The following RCL1 variants were observed in gnomAD, a reference collection of about 807,000 sequenced individuals.
RCL1 encodes RNA terminal phosphate cyclase like 1.
In RCL1, 24 loss-of-function variants were observed where a neutral mutation model predicts 42.4. That is an observed-to-expected ratio of 0.57 (90% CI 0.41 to 0.80). The LOEUF (loss-of-function observed/expected upper bound fraction) is 0.80, where lower values mean the gene tolerates loss of function less well. Ranked by LOEUF, RCL1 falls within the 30% of genes least tolerant of loss-of-function variation. The pLI is 0.00. For missense variants in RCL1, 578 were observed against 467.9 expected, an observed-to-expected ratio of 1.24 and a Z score of -2.17; for synonymous variants, 228 against 177.3, an observed-to-expected ratio of 1.29 and a Z score of -2.27.
At chr9:4,834,066 C>A in intron 4 of RCL1, 75 bp from the exon 5 acceptor site, 2 of 1,525,354 alleles carry the variant, frequency 1.3e-6, no homozygotes, top group Non-Finnish European at 1.8e-6. Context: ...CTGGTGTAAA[C>A]CTTCCTGGGC....
chr9:4,850,500 T>TTC (rs1554642556), intron 8 of RCL1: 1 of 231,386 alleles, frequency 4.3e-6, no homozygotes, highest in Non-Finnish European at 9.7e-6. Context: ...TTTCTTTTTT[T>TTC]TTTTTTTTTT....
chr9:4,833,051 C>G, intron 3 of RCL1, 103 bp from the exon 4 acceptor site: 1 of 760,376 alleles, frequency 1.3e-6, no homozygotes, highest in South Asian at 1.4e-5. Context: ...CTGTTTACCA[C>G]ACTGCATCAT....
chr9:4,840,522 A>G (rs562712128), intron 5 of RCL1, among the ~76,000 whole-genome samples: 5 of 152,258 alleles, frequency 3.3e-5, no homozygotes, highest in African/African-American at 1.2e-4. Context: ...AGTTACTAAT[A>G]TCTTCCTCCT....
intron 8 of RCL1, among the ~76,000 whole-genome samples, chr9:4,849,783 G>A (rs917023977): frequency 1.3e-5 from 2 of 152,100 alleles, no homozygotes; most frequent in Non-Finnish European, 2.9e-5. Context: ...GATCTCTATT[G>A]GGCAGTTATT....
intron 5 of RCL1, among the ~76,000 whole-genome samples, chr9:4,836,940 G>C (rs539045457): frequency 6.6e-6 from 1 of 152,228 alleles, no homozygotes; most frequent in African/African-American, 2.4e-5. Context: ...TCTCTGCATG[G>C]CTGTCCCCCA....
chr9:4,841,301 G>T lies in RCL1; in HGVS notation c.654G>T (p.Lys218Asn). Residue 218 changes from lysine (K) to asparagine (N), a missense_variant, in exon 6 of 9, where the codon AAG (lysine) becomes AAT (asparagine). By Grantham distance (94) the Lys-to-Asn change is moderately conservative. Coordinates refer to ENST00000381750, the MANE Select transcript of RCL1 (RefSeq NM_005772.5). The part of the protein sequence containing the change: ...IVDSARSILN[K>N]FIPDIYIYTD... ...ATTCTGCAAGGAGCATCCTCAACAAGTTCATACCTGATATCTATATTTACA... is the reference window on the plus strand; with the variant it reads ...ATTCTGCAAGGAGCATCCTCAACAATTTCATACCTGATATCTATATTTACA... The T allele has an allele frequency of 6.2e-7, 1 of 1,613,062 alleles. No individual in the cohort carries two copies. The highest frequency in any genetic ancestry group is 1.7e-5 in the Admixed American group (1 of 60,020).
intron 8 of RCL1, among the ~76,000 whole-genome samples, chr9:4,850,987 C>A (rs1467337562): frequency 1.3e-5 from 2 of 152,078 alleles, no homozygotes; most frequent in African/African-American, 4.8e-5. Context: ...GCAGAACATT[C>A]TGTGAAAATG....
chr9:4,831,134 C>G (rs1201201967), intron 3 of RCL1, among the ~76,000 whole-genome samples: 2 of 152,146 alleles, frequency 1.3e-5, no homozygotes, highest in African/African-American at 4.8e-5. Flanking sequence ...GCTTTTCCTG[C>G]CCTTGTCCCA....
chr9:4,845,803 G>A (rs1032509904), intron 7 of RCL1, among the ~76,000 whole-genome samples: 1 of 152,200 alleles, frequency 6.6e-6, no homozygotes, highest in Non-Finnish European at 1.5e-5. Flanking sequence ...GTTGTATGGT[G>A]TATAATGTTT....
intron 3 of RCL1, among the ~76,000 whole-genome samples, chr9:4,832,658 A>T (rs1489405817): frequency 6.6e-6 from 1 of 151,858 alleles, no homozygotes; most frequent in Admixed American, 6.6e-5. Flanking sequence ...AAATACAAAA[A>T]TTAGCTGGGC....
At chr9:4,831,262 A>T (rs1816930915) in intron 3 of RCL1, among the ~76,000 whole-genome samples, 1 of 151,184 alleles carries the variant, frequency 6.6e-6, no homozygotes, top group African/African-American at 2.5e-5. Context: ...ACTCTTTGTG[A>T]CTCAAGGTAT....
chr9:4,851,482 A>C (rs1054357611), intron 8 of RCL1, among the ~76,000 whole-genome samples: 1 of 152,230 alleles, frequency 6.6e-6, no homozygotes, highest in South Asian at 2.1e-4. Context: ...CTCCAGCAGC[A>C]CAAAGAGATG....
chr9:4,854,919 G>A (rs1357353924), intron 8 of RCL1, among the ~76,000 whole-genome samples: 3 of 152,026 alleles, frequency 2.0e-5, no homozygotes, highest in African/African-American at 4.8e-5. Flanking sequence ...CGGGCGTGGT[G>A]GCACATGTCT....
intron 7 of RCL1, among the ~76,000 whole-genome samples, chr9:4,847,618 C>T (rs1345604406): frequency 6.6e-6 from 1 of 152,244 alleles, no homozygotes; most frequent in Non-Finnish European, 1.5e-5. Context: ...CTTTCCAAAT[C>T]CTAACATCCT....
chr9:4,860,345 A>T lies in RCL1; in HGVS notation c.*70A>T. On this transcript the variant is annotated 3_prime_UTR_variant, in exon 9 of 9. Transcript: ENST00000381750. ...AGCTGCCACGGACACCAATGGGACC[A>T]AGTCCAAATGGATTAATCCAGGACA... 2 of 1,515,670 alleles carry T rather than the reference A, an allele frequency of 1.3e-6. No individual in the cohort carries two copies. Among genetic ancestry groups the T allele is most frequent in the Non-Finnish European group, 1.8e-6 (2 of 1,116,414 alleles). The allele number at this position is 1,515,670 out of a possible 1,614,324, so 93.9% of individuals were successfully genotyped here.
chr9:4,844,386 T>G, intron 6 of RCL1, 139 bp from the exon 7 acceptor site: 1 of 608,362 alleles, frequency 1.6e-6, no homozygotes, highest in Non-Finnish European at 2.9e-6. Context: ...GTAGCAACTC[T>G]ATGAGGTTAA....
chr9:4,838,178 A>G (rs1817200533), intron 5 of RCL1, among the ~76,000 whole-genome samples: 1 of 152,222 alleles, frequency 6.6e-6, no homozygotes, highest in South Asian at 2.1e-4. Flanking sequence ...GGGAGGGCTC[A>G]GACTGGGAGA....
rs760524651 is a variant in RCL1 at position 4,844,511 on chromosome 9, CT to C, written c.711-11del. 8.2e-5 allele frequency: 131 copies of C among 1,600,348 alleles called. No homozygotes were observed. The highest frequency in any genetic ancestry group is 1.1e-4 in the Non-Finnish European group (126 of 1,173,262). On this transcript the variant is annotated splice_polypyrimidine_tract_variant and intron_variant, in intron 6 of 8. Coordinates refer to ENST00000381750, the MANE Select transcript of RCL1 (RefSeq NM_005772.5). Reference sequence around the variant, plus strand: ...GGTTAAACCTACTCAGTGTTTGTGCCTTTGTATCTCCAGGTCTCCGGGCTTT... The same window carrying C: ...GGTTAAACCTACTCAGTGTTTGTGCCTTGTATCTCCAGGTCTCCGGGCTTT...
rs137942322 is a variant in RCL1 at position 4,803,105 on chromosome 9, C to T, written c.136+9878C>T. Among the ~76,000 whole-genome samples the T allele has an allele frequency of 6.3e-3, 957 of 152,138 alleles. 11 individuals carry two copies. Among genetic ancestry groups the T allele is most frequent in the African/African-American group, 0.021 (885 of 41,478 alleles). The stretch of plus-strand genomic sequence containing the variant: ...CAAGCAGTCCTCCTGTCTTGGCCTC[C>T]CAAAGCGTCAGAATTACAGGTGTTG... On this transcript the variant is annotated intron_variant, in intron 1 of 8. Coordinates refer to ENST00000381750, the MANE Select transcript of RCL1 (RefSeq NM_005772.5).
Sources: allele counts gnomAD v4.1 joint callset (sites outside exome capture counted in the v4.1 genomes callset), GRCh38; gene constraint gnomAD v4.1.1; transcripts MANE v1.5; gene names NCBI Gene and HGNC (gene_info 2026-07-23, HGNC 2026-07-21).